The following ANKHD1 variants were observed in gnomAD, a reference collection of about 807,000 sequenced individuals.
ANKHD1 encodes ankyrin repeat and KH domain containing 1.
ANKHD1 carries 31 observed loss-of-function variants against 230.5 expected under a neutral mutation model. The ratio of observed to expected loss-of-function variants is 0.13; its 90% CI spans 0.10 to 0.18. ANKHD1 has a LOEUF of 0.18. ANKHD1 is among the 10% of genes least tolerant of loss of function. The pLI, the probability that ANKHD1 is intolerant of heterozygous loss-of-function variation, is 1.00. For synonymous variants in ANKHD1, 1,074 were observed against 1,117.6 expected (o/e 0.96, Z 0.78); for missense variants, 2,256 against 3,071.3 (o/e 0.73, Z 6.27).
chr5:140,464,210 G>A (rs1335775112), intron 9 of ANKHD1, among the ~76,000 whole-genome samples: 3 of 148,102 alleles, frequency 2.0e-5, no homozygotes, highest in Admixed American at 1.4e-4. Context: ...CAGCCTGAGC[G>A]ACAGAGTGAG....
chr5:140,482,705 A>T (rs1376591545), intron 11 of ANKHD1, 38 bp downstream of exon 11: 11 of 1,596,612 alleles, frequency 6.9e-6, no homozygotes, highest in Non-Finnish European at 9.4e-6. Flanking sequence ...AAGAGGCTAC[A>T]GTTTATGGAA....
intron 5 of ANKHD1, among the ~76,000 whole-genome samples, chr5:140,443,413 G>A (rs555323484): frequency 2.6e-5 from 4 of 151,740 alleles, no homozygotes; most frequent in Admixed American, 6.6e-5. Flanking sequence ...AAAAAAGGCC[G>A]GGCGTGGTGG....
At chr5:140,494,673 AT>A (rs1411819000) in intron 14 of ANKHD1, among the ~76,000 whole-genome samples, 4 of 151,396 alleles carry the variant, frequency 2.6e-5, no homozygotes, top group South Asian at 2.1e-4. Flanking sequence ...TGAATCTCTA[AT>A]TTTTTTTTCT....
At position 140,402,120 on chromosome 5, in the gene ANKHD1, G is replaced by A. The variant is rs1769990180; in HGVS notation, c.153G>A (p.Gly51=). Reference sequence around the variant, plus strand: ...CCGTGAGGCTCTTTGGGGAGGCCGGGCCAGCGTCGGGAGTCGGCAGCAGCG... The same window carrying A: ...CCGTGAGGCTCTTTGGGGAGGCCGGACCAGCGTCGGGAGTCGGCAGCAGCG... The part of the protein sequence containing the change: ...IRTVRLFGEA[G]PASGVGSSGG... The change falls in exon 1 of 34, where the codon GGG becomes GGA. Residue 51 remains glycine, a synonymous_variant. Coordinates refer to ENST00000360839, the MANE Select transcript of ANKHD1 (RefSeq NM_017747.3). 4 of 1,541,704 alleles carry A rather than the reference G, an allele frequency of 2.6e-6. No homozygotes were observed. The highest frequency in any genetic ancestry group is 3.5e-6 in the Non-Finnish European group (4 of 1,148,144).
At chr5:140,430,292 GAAAA>G (rs1300152950) in intron 1 of ANKHD1, among the ~76,000 whole-genome samples, 3 of 152,012 alleles carry the variant, frequency 2.0e-5, no homozygotes, top group African/African-American at 7.2e-5. Context: ...TCAGAGGTAG[GAAAA>G]AAGATTCTTT....
intron 1 of ANKHD1, among the ~76,000 whole-genome samples, chr5:140,412,795 T>G (rs931900699): frequency 6.6e-6 from 1 of 152,232 alleles, no homozygotes. Flanking sequence ...AATTGACTTA[T>G]GATGATTGAC....
At position 140,529,163 on chromosome 5, in the gene ANKHD1, A is replaced by G. The variant is rs539481428; in HGVS notation, c.6217A>G (p.Thr2073Ala). The change falls in exon 29 of 34, where the codon ACT becomes GCT. Residue 2073 changes from threonine (T) to alanine (A), a missense_variant. This residue lies in a region of ANKHD1 where 778 missense variants were observed against 966.5 expected (regional missense o/e 0.80). Coordinates refer to ENST00000360839, the MANE Select transcript of ANKHD1 (RefSeq NM_017747.3). Reference sequence around the variant, plus strand: ...TCACCCATCCAGTAGTCCCACTCCTACTTCCAGTAACACACAAGAGGAGGC... The same window carrying G: ...TCACCCATCCAGTAGTCCCACTCCTGCTTCCAGTAACACACAAGAGGAGGC... ...ETHPSSSPTPTSSNTQEEAQP... is the reference protein window; with the variant it reads ...ETHPSSSPTPASSNTQEEAQP... The G allele has an allele frequency of 6.2e-7, 1 of 1,614,186 alleles. No homozygotes were observed. The highest frequency in any genetic ancestry group is 1.1e-5 in the South Asian group (1 of 91,082).
intron 29 of ANKHD1, among the ~76,000 whole-genome samples, chr5:140,534,132 C>T (rs1003678041): frequency 4.6e-5 from 7 of 152,150 alleles, no homozygotes; most frequent in African/African-American, 1.7e-4. Flanking sequence ...GTGGCTCACA[C>T]CTGTAACCCC....
intron 22 of ANKHD1, 137 bp downstream of exon 22, chr5:140,510,318 T>TTC: frequency 7.8e-7 from 1 of 1,284,238 alleles, no homozygotes; most frequent in East Asian, 2.7e-5. Context: ...TCTTTTTTTT[T>TTC]TTTTTTTTTT....
intron 5 of ANKHD1, among the ~76,000 whole-genome samples, chr5:140,441,493 TC>T (rs1773842015): frequency 6.6e-6 from 1 of 151,882 alleles, no homozygotes; most frequent in Non-Finnish European, 1.5e-5. Flanking sequence ...TTGCATGATC[TC>T]ACTTTTTTTT....
intron 7 of ANKHD1, among the ~76,000 whole-genome samples, chr5:140,449,891 T>C (rs990457766): frequency 1.3e-5 from 2 of 152,176 alleles, no homozygotes; most frequent in Non-Finnish European, 2.9e-5. Flanking sequence ...CCTCAAAATA[T>C]ATTGACTCAA....
At chr5:140,512,160 C>T (rs1433806433) in intron 22 of ANKHD1, among the ~76,000 whole-genome samples, 2 of 150,746 alleles carry the variant, frequency 1.3e-5, no homozygotes, top group Admixed American at 1.3e-4. Context: ...TGCTAGAACC[C>T]GGGAGGCGGA....
chr5:140,476,930 A>G (rs1225030783), intron 10 of ANKHD1, among the ~76,000 whole-genome samples: 1 of 152,174 alleles, frequency 6.6e-6, no homozygotes, highest in African/African-American at 2.4e-5. Context: ...GTTGTTGTTC[A>G]GGAGGAGAAG....
intron 33 of ANKHD1, 24 bp downstream of exon 33, chr5:140,539,107 T>G (rs751338417): frequency 1.3e-6 from 2 of 1,574,966 alleles, no homozygotes; most frequent in East Asian, 4.5e-5. Flanking sequence ...AATGCTCTTT[T>G]GTTTTTTAGA....
At chr5:140,404,981 G>A (rs1344195114) in intron 1 of ANKHD1, among the ~76,000 whole-genome samples, 5 of 137,886 alleles carry the variant, frequency 3.6e-5, no homozygotes, top group South Asian at 4.4e-4. Context: ...GTGTGTGTGT[G>A]TGTGTGTGTG....
Position 140,485,954 on chromosome 5 carries a change from A to T in ANKHD1, c.2142+222A>T. On this transcript the variant is annotated intron_variant, in intron 13 of 33. Coordinates refer to ENST00000360839, the MANE Select transcript of ANKHD1 (RefSeq NM_017747.3). This position sits in a 1 kb window ranked among gnomAD's most constrained non-coding sequence, Gnocchi z 4.8. ...AATAGTGGTTTTTAAAAACCACTTA[A>T]TATCAAATATAAACGTAAGTATTCT... 1.8e-6 allele frequency: 1 copy of T among 562,706 alleles called. No homozygotes were observed. The highest frequency in any genetic ancestry group is 2.9e-6 in the Non-Finnish European group (1 of 343,276). The allele number at this position is 562,706 out of a possible 1,614,324, so 34.9% of individuals were successfully genotyped here.
intron 14 of ANKHD1, among the ~76,000 whole-genome samples, 161 bp downstream of exon 14, chr5:140,487,221 C>CGTAA (rs199873549): frequency 0.021 from 3,179 of 152,128 alleles, 111 homozygotes; most frequent in African/African-American, 0.073. Flanking sequence ...ACCAAAAAGA[C>CGTAA]GTGTTAGGAA....
At chr5:140,471,086 A>T (rs1413254194) in intron 10 of ANKHD1, among the ~76,000 whole-genome samples, 2 of 152,162 alleles carry the variant, frequency 1.3e-5, no homozygotes, top group Non-Finnish European at 2.9e-5. Context: ...CCAAAATCTG[A>T]AATGCTCCAT....
chr5:140,449,640 C>T (rs1003255757), intron 7 of ANKHD1, among the ~76,000 whole-genome samples: 5 of 145,198 alleles, frequency 3.4e-5, no homozygotes, highest in East Asian at 2.0e-4. Flanking sequence ...CCAGCCTGGG[C>T]GATAGAGCGA....
Sources: gnomAD v4.1 joint callset for allele counts (sites outside exome capture counted in the v4.1 genomes callset) on GRCh38, gnomAD v4.1.1 for gene constraint, gnomAD v4.1.1 regional missense constraint, Gnocchi (gnomAD v3.1) non-coding constraint, MANE v1.5 for transcripts, NCBI Gene and HGNC (gene_info 2026-07-23, HGNC 2026-07-21) for gene names.